The following LUZP1 variants were observed in gnomAD, a reference collection of about 807,000 sequenced individuals.
LUZP1 encodes the protein leucine zipper protein 1, also known as filamin mechanobinding actin cross-linking protein.
A neutral mutation model predicts 71.3 loss-of-function variants in LUZP1; 25 were observed. That is an observed-to-expected ratio of 0.35 (90% CI 0.26 to 0.49). LUZP1 has a LOEUF of 0.49. Ranked by LOEUF, LUZP1 falls within the 20% of genes least tolerant of loss-of-function variation. The pLI, the probability that LUZP1 is intolerant of heterozygous loss-of-function variation, is 0.99. For missense variants in LUZP1, 1,142 were observed against 1,300.8 expected (o/e 0.88, Z 1.88); for synonymous variants, 481 against 506.4 (o/e 0.95, Z 0.67).
chr1:23,118,141 C>A (rs1644100849), intron 2 of LUZP1, among the ~76,000 whole-genome samples: 1 of 151,712 alleles, frequency 6.6e-6, no homozygotes, highest in South Asian at 2.1e-4. Flanking sequence ...GTGGCTTGCG[C>A]CTGTAATCCC....
chr1:23,107,945 C>T (rs907383931), intron 3 of LUZP1, among the ~76,000 whole-genome samples: 2 of 152,198 alleles, frequency 1.3e-5, no homozygotes, highest in African/African-American at 2.4e-5. Flanking sequence ...GTTAAGATTC[C>T]TTTCCTATGC....
chr1:23,112,850 C>G (rs932317266), intron 2 of LUZP1, among the ~76,000 whole-genome samples: 4 of 152,168 alleles, frequency 2.6e-5, no homozygotes, highest in Admixed American at 2.6e-4. Context: ...GTCTCAGGTT[C>G]TGTGTGTAAA....
At chr1:23,136,781 G>C (rs1446987074) in intron 2 of LUZP1, among the ~76,000 whole-genome samples, 1 of 152,188 alleles carries the variant, frequency 6.6e-6, no homozygotes, top group Non-Finnish European at 1.5e-5. Flanking sequence ...GCCGGGCGTG[G>C]TGGTGGGTGC....
chr1:23,167,323 C>T lies in LUZP1; in HGVS notation c.-226+1443G>A, dbSNP rs568773075. On this transcript the variant is annotated intron_variant, in intron 2 of 4. Coordinates refer to ENST00000302291, the Ensembl canonical transcript of LUZP1. ...CAGCTCCTTAGGCCAGAACTGCAGC[C>T]GTCTGTAAAAGAAATACCCTGAGCA... 2.6e-5 allele frequency among the ~76,000 whole-genome samples: 4 copies of T among 152,284 alleles called. No individual in the cohort carries two copies. In the East Asian group the frequency reaches 7.7e-4, roughly 29 times the overall value.
chr1:23,147,238 C>T (rs1644350982), intron 2 of LUZP1, among the ~76,000 whole-genome samples: 1 of 151,146 alleles, frequency 6.6e-6, no homozygotes, highest in African/African-American at 2.4e-5. Flanking sequence ...GTCAGGGGTT[C>T]CAGAGCAGCC....
chr1:23,088,927 G>A lies in LUZP1; in HGVS notation c.3199C>T (p.Arg1067Trp), dbSNP rs773742057. The A allele has an allele frequency of 1.1e-5, 18 of 1,614,014 alleles. No homozygotes were observed. The highest frequency in any genetic ancestry group is 5.0e-5 in the Admixed American group (3 of 60,002). The change falls in exon 5 of 5, where the codon CGG (arginine) becomes TGG (tryptophan). Residue 1067 changes from arginine to tryptophan, a missense_variant. By Grantham distance (101) the Arg-to-Trp change is moderately radical (BLOSUM62 -3). Transcript: ENST00000302291. ...TCCTCAGCACAGGGCCTGGTTGGCC[G>A]TAATCGTTCCTCGGCCCGTACTCGC...
exon 4 of LUZP1, chr1:23,092,636 C>T (rs778002796): frequency 1.9e-6 from 3 of 1,614,080 alleles, no homozygotes; most frequent in Non-Finnish European, 2.5e-6. Context: ...GCACGTGTCC[C>T]CTCTTGCCAA....
At chr1:23,107,959 G>A (rs1643997088) in intron 3 of LUZP1, among the ~76,000 whole-genome samples, 1 of 152,188 alleles carries the variant, frequency 6.6e-6, no homozygotes, top group African/African-American at 2.4e-5. Context: ...CCTATGCCCA[G>A]TCACTGCTAT....
At chr1:23,103,701 T>C (rs1229716526) in intron 3 of LUZP1, among the ~76,000 whole-genome samples, 1 of 151,726 alleles carries the variant, frequency 6.6e-6, no homozygotes, top group Non-Finnish European at 1.5e-5. Context: ...GAAAGTAGGA[T>C]GCATGAGGTC....
At chr1:23,127,922 G>A (rs910914739) in intron 2 of LUZP1, among the ~76,000 whole-genome samples, 1 of 152,134 alleles carries the variant, frequency 6.6e-6, no homozygotes, top group African/African-American at 2.4e-5. Flanking sequence ...CAAGAGGTCA[G>A]GAGTTCGAGA....
chr1:23,090,982 A>G lies in LUZP1; in HGVS notation c.3072+208T>C, dbSNP rs1643843107. On this transcript the variant is annotated intron_variant, in intron 4 of 4. Transcript: ENST00000302291. ...AGCAAAATGAAGACAACAAATTGGA[A>G]AAGGGATTTTGGAAAGTGATGCTGC... 5.1e-5 allele frequency: 37 copies of G among 720,882 alleles called. 1 individual carries two copies. The South Asian group carries it at 5.5e-4, about 11-fold the overall frequency. 44.7% of individuals were successfully genotyped at this position (720,882 alleles called of 1,614,324 possible).
chr1:23,168,850 G>A (rs1268885339), exon 2 of LUZP1: 1 of 152,488 alleles, frequency 6.6e-6, no homozygotes, highest in Non-Finnish European at 1.5e-5. Flanking sequence ...GGCTCCGCGG[G>A]ACTGACAATG....
chr1:23,134,395 T>A (rs1644237775), intron 2 of LUZP1, among the ~76,000 whole-genome samples: 1 of 151,752 alleles, frequency 6.6e-6, no homozygotes, highest in African/African-American at 2.4e-5. Flanking sequence ...AACAGGAGGA[T>A]CACTTCAGCC....
chr1:23,136,572 T>C (rs530401732), intron 2 of LUZP1, among the ~76,000 whole-genome samples: 1 of 151,998 alleles, frequency 6.6e-6, no homozygotes, highest in Non-Finnish European at 1.5e-5. Flanking sequence ...TTACATAATA[T>C]GCCCAAGGTC....
At chr1:23,089,707 C>T (rs1643823662) in intron 4 of LUZP1, among the ~76,000 whole-genome samples, 1 of 152,160 alleles carries the variant, frequency 6.6e-6, no homozygotes, top group Admixed American at 6.5e-5. Flanking sequence ...ATTCTCCTGC[C>T]TCAGCCTCCC....
At chr1:23,124,492 T>G (rs1397808644) in intron 2 of LUZP1, among the ~76,000 whole-genome samples, 1 of 152,230 alleles carries the variant, frequency 6.6e-6, no homozygotes, top group Non-Finnish European at 1.5e-5. Context: ...TCTCCTCTGT[T>G]GCTTTGTGGT....
chr1:23,092,549 T>C, exon 4 of LUZP1: 1 of 1,614,170 alleles, frequency 6.2e-7, no homozygotes, highest in Non-Finnish European at 8.5e-7. Flanking sequence ...AGGAGGATCT[T>C]CGAGATGAGG....
At chr1:23,132,004 A>C (rs1644219400) in intron 2 of LUZP1, among the ~76,000 whole-genome samples, 1 of 151,958 alleles carries the variant, frequency 6.6e-6, no homozygotes, top group Non-Finnish European at 1.5e-5. Flanking sequence ...GCTTATTTTT[A>C]ATTTTATTTT....
chr1:23,158,228 C>T (rs1644435599), intron 2 of LUZP1, among the ~76,000 whole-genome samples: 1 of 152,198 alleles, frequency 6.6e-6, no homozygotes, highest in Admixed American at 6.5e-5. Context: ...CCTGAAGGCA[C>T]AGTATTTAAT....
Sources: gnomAD v4.1 joint callset for allele counts (sites outside exome capture counted in the v4.1 genomes callset) on GRCh38, gnomAD v4.1.1 for gene constraint, MANE v1.5 for transcripts, NCBI Gene and HGNC (gene_info 2026-07-23, HGNC 2026-07-21) for gene names.